CNTNAP3: variants seen among roughly 807,000 people sequenced by gnomAD.
The protein encoded by CNTNAP3 is contactin associated protein family member 3.
Under a neutral mutation model 92.1 loss-of-function variants are expected in CNTNAP3, and 36 were observed. The ratio of observed to expected loss-of-function variants is 0.39; its 90% CI spans 0.30 to 0.52. The LOEUF is 0.52. Ranked by LOEUF, CNTNAP3 falls within the 20% of genes least tolerant of loss-of-function variation. The pLI is 0.76. For missense variants in CNTNAP3, 534 were observed against 1,069.6 expected, an observed-to-expected ratio of 0.50 and a Z score of 6.98; for synonymous variants, 232 against 422.3, an observed-to-expected ratio of 0.55 and a Z score of 5.53.
intron 23 of CNTNAP3, among the ~76,000 whole-genome samples, 159 bp from the exon 24 acceptor site, chr9:39,074,170 G>T (rs1314882163): frequency 6.6e-6 from 1 of 150,560 alleles, no homozygotes; most frequent in African/African-American, 2.4e-5. Flanking sequence ...CCACTCCACC[G>T]TTCAGCTTAT....
chr9:39,080,163 A>AG (rs1414814209), intron 21 of CNTNAP3, among the ~76,000 whole-genome samples: 1 of 136,054 alleles, frequency 7.4e-6, no homozygotes, highest in Non-Finnish European at 1.5e-5. Flanking sequence ...GGCTACTCTA[A>AG]GCTCTCTGCT....
At chr9:39,087,995 T>C (rs1183057285) in intron 19 of CNTNAP3, among the ~76,000 whole-genome samples, 3 of 152,188 alleles carry the variant, frequency 2.0e-5, no homozygotes, top group African/African-American at 7.2e-5. Flanking sequence ...GCTGTACTTA[T>C]CTGTTGCTTA....
chr9:39,113,964 C>A (rs116874131), intron 14 of CNTNAP3, among the ~76,000 whole-genome samples: 3,211 of 151,068 alleles, frequency 0.021, 63 homozygotes, highest in East Asian at 0.11. Flanking sequence ...TTCTCTCTCT[C>A]TCTATATATA....
chr9:39,113,829 G>A (rs2117935717), intron 14 of CNTNAP3, among the ~76,000 whole-genome samples: 1 of 150,942 alleles, frequency 6.6e-6, no homozygotes, highest in Non-Finnish European at 1.5e-5. Context: ...ATATATGGCT[G>A]CTATATCAAG....
chr9:39,159,635 GAT>G (rs1563895953), intron 9 of CNTNAP3: 3 of 132,674 alleles, frequency 2.3e-5, no homozygotes, highest in African/African-American at 9.9e-5. Flanking sequence ...CCTGGAGATA[GAT>G]AGATAGATAG....
At chr9:39,118,795 A>T (rs1056869866) in intron 13 of CNTNAP3, among the ~76,000 whole-genome samples, 2 of 152,046 alleles carry the variant, frequency 1.3e-5, no homozygotes, top group African/African-American at 4.8e-5. Context: ...CTTTATTTGG[A>T]GGTTAAGGAA....
At chr9:39,098,110 C>A (rs1826367796) in intron 18 of CNTNAP3, among the ~76,000 whole-genome samples, 1 of 147,050 alleles carries the variant, frequency 6.8e-6, no homozygotes, top group Non-Finnish European at 1.5e-5. Flanking sequence ...TAGAAATGTT[C>A]TTTTATGCCA....
intron 13 of CNTNAP3, among the ~76,000 whole-genome samples, chr9:39,124,640 A>T (rs1244498485): frequency 1.3e-5 from 2 of 152,136 alleles, no homozygotes; most frequent in Non-Finnish European, 2.9e-5. Context: ...TCCAGAATCT[A>T]CACAGAACTT....
chr9:39,092,669 C>T (rs1826232210), intron 18 of CNTNAP3, among the ~76,000 whole-genome samples: 1 of 136,528 alleles, frequency 7.3e-6, no homozygotes, highest in Non-Finnish European at 1.6e-5. Context: ...GTTCCATGAA[C>T]ACTTGAGAAG....
intron 14 of CNTNAP3, among the ~76,000 whole-genome samples, chr9:39,110,640 A>G (rs1177412918): frequency 6.6e-6 from 1 of 152,154 alleles, no homozygotes; most frequent in African/African-American, 2.4e-5. Context: ...TCCTGGTCTT[A>G]GCTATGCCAC....
chr9:39,085,547 G>C lies in CNTNAP3; in HGVS notation c.3442+189C>G, dbSNP rs1230278379. The C allele has an allele frequency of 1.5e-5, 9 of 601,118 alleles. No individual in the cohort carries two copies. The Admixed American group carries it at 2.3e-4, about 15-fold the overall frequency. 37.2% of individuals were successfully genotyped at this position (601,118 alleles called of 1,614,324 possible). A position where few individuals can be genotyped will look rare whatever the true frequency, so the allele number is the denominator to read the frequency against. On this transcript the variant is annotated intron_variant, in intron 21 of 23. Transcript: ENST00000297668. ...GAGGTATTTTTCCAGGAACGCCCTT[G>C]CACATCTCACAGGTAGCACTTAGTC...
rs1400380472 is a variant in CNTNAP3, at chr9:39,134,928, A to C, written c.1877-1793T>G. 2.0e-5 allele frequency among the ~76,000 whole-genome samples: 3 copies of C among 152,238 alleles called. No individual in the cohort carries two copies. The East Asian group carries it at 5.8e-4, about 29-fold the overall frequency. ...TGGGAGAGAAATGATGGTCCAGAGT[A>C]GTTCACATAGGCCGGTGGGCAGTAT... is the stretch of plus-strand genomic sequence containing the variant. On this transcript the variant is annotated intron_variant, in intron 12 of 23. Transcript: ENST00000297668.
At chr9:39,107,171 TA>T (rs1826625535) in intron 15 of CNTNAP3, among the ~76,000 whole-genome samples, 1 of 148,456 alleles carries the variant, frequency 6.7e-6, no homozygotes, top group Non-Finnish European at 1.5e-5. Flanking sequence ...ACTACAAGTA[TA>T]AACAATGTTT....
intron 15 of CNTNAP3, among the ~76,000 whole-genome samples, chr9:39,104,512 A>ACACG (rs1826552282): frequency 6.8e-6 from 1 of 147,336 alleles, no homozygotes; most frequent in Non-Finnish European, 1.5e-5. Context: ...ACACACACAC[A>ACACG]CACACACACT....
chr9:39,109,066 A>G (rs1421711198), intron 15 of CNTNAP3, 94 bp downstream of exon 15: 18 of 1,490,036 alleles, frequency 1.2e-5, no homozygotes, highest in African/African-American at 8.5e-5. Context: ...TACTGCCACT[A>G]TTCTCTTTCT....
intron 22 of CNTNAP3, 69 bp from the exon 23 acceptor site, chr9:39,078,525 A>T (rs1825844588): frequency 6.2e-7 from 1 of 1,605,406 alleles, no homozygotes; most frequent in African/African-American, 1.3e-5. Flanking sequence ...ACACATAGCA[A>T]ACTTGTCAAT....
intron 21 of CNTNAP3, among the ~76,000 whole-genome samples, chr9:39,084,384 C>G (rs981848328): frequency 4.0e-5 from 6 of 151,696 alleles, no homozygotes; most frequent in African/African-American, 1.2e-4. Flanking sequence ...TTAGTAGAGA[C>G]GGGGTTTCAC....
intron 15 of CNTNAP3, among the ~76,000 whole-genome samples, chr9:39,105,389 T>C (rs1033543312): frequency 3.9e-5 from 6 of 152,180 alleles, no homozygotes; most frequent in Non-Finnish European, 5.9e-5. Context: ...ATCATGCCAC[T>C]GCACTCCAGC....
intron 21 of CNTNAP3, among the ~76,000 whole-genome samples, chr9:39,084,494 A>G (rs532274289): frequency 2.6e-5 from 4 of 151,604 alleles, no homozygotes; most frequent in Non-Finnish European, 5.9e-5. Context: ...ACACCCGGCC[A>G]CTCACCAAAT....
Sources: allele counts gnomAD v4.1 joint callset (sites outside exome capture counted in the v4.1 genomes callset), GRCh38; gene constraint gnomAD v4.1.1; transcripts MANE v1.5; gene names NCBI Gene and HGNC (gene_info 2026-07-23, HGNC 2026-07-21).